C2orf42: variants seen among roughly 807,000 people sequenced by gnomAD.
C2orf42 encodes the protein chromosome 2 open reading frame 42, also known as uncharacterized protein C2orf42.
Under a neutral mutation model 58.9 loss-of-function variants are expected in C2orf42, and 44 were observed. The ratio of observed to expected loss-of-function variants is 0.75; its 90% CI spans 0.59 to 0.96. The LOEUF (loss-of-function observed/expected upper bound fraction) is 0.96. Ranked by LOEUF, C2orf42 falls within the 40% of genes least tolerant of loss-of-function variation. C2orf42 has a pLI of 0.00. For missense variants in C2orf42, 630 were observed against 699.2 expected, an observed-to-expected ratio of 0.90 and a Z score of 1.12; for synonymous variants, 239 against 265.4, an observed-to-expected ratio of 0.90 and a Z score of 0.97.
rs1218792062 is a variant in C2orf42, at chr2:70,169,604, G to C, written c.1097C>G (p.Ala366Gly). The C allele has an allele frequency of 6.2e-7, 1 of 1,610,940 alleles. No homozygotes were observed. Among genetic ancestry groups the C allele is most frequent in the Non-Finnish European group, 8.5e-7 (1 of 1,177,328 alleles). The change falls in exon 6 of 10, where the codon GCC becomes GGC. Residue 366 changes from alanine (A) to glycine (G), a missense_variant. Coordinates refer to ENST00000264434, the MANE Select transcript of C2orf42 (RefSeq NM_017880.3). ...TTGATGGATGCGTTCTGTGACACTG[G>C]CCAGCCAGTCTTGGAAGGATAAAGT... ...QVTLSFQDWL[A>G]SVTERIHQTM...
chr2:70,180,609 A>AAG (rs1674492846), intron 3 of C2orf42, among the ~76,000 whole-genome samples: 2 of 143,774 alleles, frequency 1.4e-5, no homozygotes, highest in Admixed American at 1.4e-4. Flanking sequence ...TTCTGTCTCA[A>AAG]AAAAAAAAAA....
At chr2:70,179,710 T>C in intron 3 of C2orf42, 68 bp from the exon 4 acceptor site, 1 of 568,010 alleles carries the variant, frequency 1.8e-6, no homozygotes, top group Non-Finnish European at 3.2e-6. Flanking sequence ...GGCCTCTATG[T>C]AGCGAAAAGT....
At chr2:70,166,844 G>A (rs1213306120) in intron 6 of C2orf42, among the ~76,000 whole-genome samples, 2 of 152,144 alleles carry the variant, frequency 1.3e-5, no homozygotes, top group African/African-American at 4.8e-5. Flanking sequence ...GGCCGAGGTG[G>A]CTGCCTCCAC....
chr2:70,176,275 T>C (rs12989076), intron 4 of C2orf42, among the ~76,000 whole-genome samples: 33,826 of 152,036 alleles, frequency 0.22, 4,100 homozygotes, highest in Non-Finnish European at 0.24. Context: ...GAGGCCCAGG[T>C]GGGCTGATCA....
intron 4 of C2orf42, 146 bp from the exon 5 acceptor site, chr2:70,175,923 T>C (rs1674162020): frequency 1.7e-6 from 1 of 598,898 alleles, no homozygotes; most frequent in Admixed American, 2.8e-5. Flanking sequence ...CATTAGTCTT[T>C]ACACATAAAA....
chr2:70,158,023 A>C (rs1265324362), intron 9 of C2orf42, among the ~76,000 whole-genome samples: 1 of 151,916 alleles, frequency 6.6e-6, no homozygotes, highest in Non-Finnish European at 1.5e-5. Flanking sequence ...TAACATGGTA[A>C]ACCCTGTCTC....
rs144801510 is a variant in C2orf42 at position 70,169,312 on chromosome 2, C to G, written c.1144+245G>C. On this transcript the variant is annotated intron_variant, in intron 6 of 9. Coordinates refer to ENST00000264434, the MANE Select transcript of C2orf42 (RefSeq NM_017880.3). Reference sequence around the variant, plus strand: ...ACACGAACTTATGCAAGCAATAAGACTACCTGCCTTTACTTATTATTTGCT... The same window carrying G: ...ACACGAACTTATGCAAGCAATAAGAGTACCTGCCTTTACTTATTATTTGCT... 1.7e-3 allele frequency among the ~76,000 whole-genome samples: 251 copies of G among 151,972 alleles called. 1 individual carries two copies. The highest frequency in any genetic ancestry group is 3.1e-3 in the Non-Finnish European group (210 of 67,994).
Position 70,181,958 on chromosome 2 carries a change from C to A in C2orf42, c.28G>T (p.Val10Phe). The A allele has an allele frequency of 1.9e-6, 3 of 1,611,860 alleles. No individual in the cohort carries two copies. The highest frequency in any genetic ancestry group is 2.5e-6 in the Non-Finnish European group (3 of 1,178,688). ...CCCAAATCAGATAAGAAAGCTGGGA[C>A]TTTAGTCCTCAGAGAATTTGGTTCC... MEPNSLRTKVPAFLSDLGKA... is the reference protein window; with the variant it reads MEPNSLRTKFPAFLSDLGKA... Residue 10 changes from valine (V) to phenylalanine (F), a missense_variant, in exon 3 of 10, where the codon GTC (valine) becomes TTC (phenylalanine). Transcript: ENST00000264434.
chr2:70,183,029 CA>C (rs2103644404), intron 1 of C2orf42, 94 bp from the exon 2 acceptor site: 1 of 152,306 alleles, frequency 6.6e-6, no homozygotes, highest in Non-Finnish European at 1.5e-5. Flanking sequence ...AAGTCTTTCA[CA>C]ATTACTTGAG....
At chr2:70,167,718 G>GC (rs1222833467) in intron 6 of C2orf42, among the ~76,000 whole-genome samples, 4 of 152,084 alleles carry the variant, frequency 2.6e-5, no homozygotes, top group Admixed American at 1.3e-4. Context: ...TCCAGCCTGT[G>GC]TGACAGAGCA....
intron 6 of C2orf42, among the ~76,000 whole-genome samples, chr2:70,166,049 C>T (rs1442790083): frequency 6.6e-6 from 1 of 151,844 alleles, no homozygotes; most frequent in South Asian, 2.1e-4. Flanking sequence ...CACCACCACG[C>T]CTGGCTAATT....
At chr2:70,181,053 T>C (rs897602869) in intron 3 of C2orf42, 110 bp downstream of exon 3, 18 of 491,596 alleles carry the variant, frequency 3.7e-5, no homozygotes, top group Admixed American at 2.0e-4. Context: ...ATTTGAATTA[T>C]CTAGCAACTG....
intron 4 of C2orf42, among the ~76,000 whole-genome samples, chr2:70,177,877 A>C (rs1015476492): frequency 6.6e-6 from 1 of 152,000 alleles, no homozygotes; most frequent in Non-Finnish European, 1.5e-5. Flanking sequence ...CTCTACAAAA[A>C]ACAAACCAAA....
chr2:70,169,907 C>T (rs1174367218), intron 5 of C2orf42, among the ~76,000 whole-genome samples: 4 of 150,834 alleles, frequency 2.7e-5, no homozygotes, highest in Admixed American at 6.6e-5. Context: ...TACAGGCACC[C>T]GCCACCACAC....
In C2orf42 at chr2:70,187,760, A is replaced by G. The variant is rs1446560294; in HGVS notation, c.-282+3213T>C. Among the ~76,000 whole-genome samples the G allele has an allele frequency of 3.3e-5, 5 of 149,314 alleles. No individual in the cohort carries two copies. In the East Asian group the frequency reaches 6.1e-4, roughly 18 times the overall value. ...GGCTGGAGTGCAGTGGCGTGATCTC[A>G]CCTCACTGCAACCTCCGCCTCCCGG... On this transcript the variant is annotated intron_variant, in intron 1 of 9. Coordinates refer to ENST00000264434, the MANE Select transcript of C2orf42 (RefSeq NM_017880.3).
rs886685689 is a variant in C2orf42 at position 70,170,065 on chromosome 2, T to A, written c.1040-404A>T. Among the ~76,000 whole-genome samples, 16 of 151,640 alleles carry A rather than the reference T, an allele frequency of 1.1e-4. No homozygotes were observed. In the Admixed American group the frequency reaches 1.1e-3, roughly 10 times the overall value. ...TGAGCCACCGCGCCCGGCCTGTTTT[T>A]TATTTATTGACAAGGCTTTGTCATG... On this transcript the variant is annotated intron_variant, in intron 5 of 9. Transcript: ENST00000264434.
chr2:70,153,337 T>C (rs557635185), intron 9 of C2orf42, among the ~76,000 whole-genome samples: 15 of 151,408 alleles, frequency 9.9e-5, no homozygotes, highest in Non-Finnish European at 2.1e-4. Flanking sequence ...GCAACCTGCC[T>C]GTTACCAGAA....
At chr2:70,164,660 G>T (rs931342663) in intron 8 of C2orf42, among the ~76,000 whole-genome samples, 6 of 151,952 alleles carry the variant, frequency 3.9e-5, no homozygotes, top group African/African-American at 1.4e-4. Context: ...AATAAAAAGG[G>T]TCATTTCTCT....
intron 5 of C2orf42, among the ~76,000 whole-genome samples, chr2:70,170,394 G>A (rs190916878): frequency 4.0e-5 from 6 of 151,894 alleles, no homozygotes; most frequent in East Asian, 2.0e-4. Context: ...CTACAGGTGC[G>A]TCACCATGCC....
Sources: gnomAD v4.1 joint callset for allele counts (sites outside exome capture counted in the v4.1 genomes callset) on GRCh38, gnomAD v4.1.1 for gene constraint, MANE v1.5 for transcripts, NCBI Gene and HGNC (gene_info 2026-07-23, HGNC 2026-07-21) for gene names.